The following GRM1 variants were observed in gnomAD, a reference collection of about 807,000 sequenced individuals.
GRM1 encodes metabotropic glutamate receptor 1.
GRM1 carries 33 observed loss-of-function variants against 90.9 expected under a neutral mutation model. The ratio of observed to expected loss-of-function variants is 0.36; its 90% CI spans 0.28 to 0.49. The LOEUF (loss-of-function observed/expected upper bound fraction) is 0.49. Among genes scored for constraint, GRM1 ranks in the 20% least tolerant of loss-of-function variants. The pLI, the probability that GRM1 is intolerant of heterozygous loss-of-function variation, is 0.99. For missense variants in GRM1, 1,190 were observed against 1,534.3 expected, an observed-to-expected ratio of 0.78 and a Z score of 3.75; for synonymous variants, 700 against 613.2, an observed-to-expected ratio of 1.14 and a Z score of -2.09.
At chr6:146,259,716 G>T (rs1451414184) in intron 2 of GRM1, among the ~76,000 whole-genome samples, 1 of 151,898 alleles carries the variant, frequency 6.6e-6, no homozygotes, top group South Asian at 2.1e-4. Context: ...TGAACATTTG[G>T]GTTGTTTCTA....
chr6:146,043,208 G>A (rs1286078236), intron 1 of GRM1, among the ~76,000 whole-genome samples: 1 of 151,908 alleles, frequency 6.6e-6, no homozygotes, highest in African/African-American at 2.4e-5. Context: ...AAGGAAAGAG[G>A]ATTACTTGAG....
At chr6:146,316,387 G>T (rs973003000) in intron 3 of GRM1, among the ~76,000 whole-genome samples, 27 of 152,140 alleles carry the variant, frequency 1.8e-4, no homozygotes, top group African/African-American at 6.5e-4. Context: ...AGTCACATTC[G>T]CAAAGTCTCT....
intron 1 of GRM1, among the ~76,000 whole-genome samples, chr6:146,151,743 C>G (rs1445687583): frequency 1.3e-5 from 2 of 152,122 alleles, no homozygotes; most frequent in African/African-American, 4.8e-5. Context: ...CCTGAGATCC[C>G]ATTTTACCCC....
At position 146,260,682 on chromosome 6, in the gene GRM1, G is replaced by A. The variant is rs368749915; in HGVS notation, c.951-43929G>A. Among the ~76,000 whole-genome samples the A allele has an allele frequency of 2.6e-5, 4 of 151,498 alleles. No individual in the cohort carries two copies. The South Asian group carries it at 6.2e-4, about 24-fold the overall frequency. On this transcript the variant is annotated intron_variant, in intron 2 of 7. Coordinates refer to ENST00000282753, the MANE Select transcript of GRM1 (RefSeq NM_001278064.2). ...ACGTGTGAAGTTGTATCTCATCTCC[G>A]TTTTGATTTGCATTTCCCTGATGAT...
intron 1 of GRM1, among the ~76,000 whole-genome samples, chr6:146,109,816 G>A (rs565009073): frequency 1.3e-5 from 2 of 152,344 alleles, no homozygotes; most frequent in South Asian, 2.1e-4. Flanking sequence ...TCATGCATCA[G>A]CGTGATCTGG....
chr6:146,075,022 T>A (rs907953350), intron 1 of GRM1, among the ~76,000 whole-genome samples: 1 of 152,204 alleles, frequency 6.6e-6, no homozygotes, highest in African/African-American at 2.4e-5. Flanking sequence ...TGAATGAGGA[T>A]CAATTTTCCA....
At chr6:146,131,691 G>A (rs1370479340) in intron 1 of GRM1, among the ~76,000 whole-genome samples, 2 of 152,072 alleles carry the variant, frequency 1.3e-5, no homozygotes, top group East Asian at 3.9e-4. Context: ...AGAAGTTATT[G>A]AATGGAAACT....
At chr6:146,380,969 T>A (rs1328236341) in intron 5 of GRM1, among the ~76,000 whole-genome samples, 1 of 152,170 alleles carries the variant, frequency 6.6e-6, no homozygotes, top group Non-Finnish European at 1.5e-5. Context: ...TGCCCTATCC[T>A]GCTGTGGCTT....
At position 146,304,591 on chromosome 6, in the gene GRM1, C is replaced by G; in HGVS notation, c.951-20C>G. On this transcript the variant is annotated intron_variant, in intron 2 of 7. Coordinates refer to ENST00000282753, the MANE Select transcript of GRM1 (RefSeq NM_001278064.2). ...ATGTTTGTCTTTCTCTCTCCCTACC[C>G]CAATCCCTGCATTTTTTAGTGATGG... 6.6e-7 allele frequency: 1 copy of G among 1,513,294 alleles called. No individual in the cohort carries two copies. Among genetic ancestry groups the G allele is most frequent in the Non-Finnish European group, 9.2e-7 (1 of 1,088,688 alleles). The allele number at this position is 1,513,294 out of a possible 1,614,324, so 93.7% of individuals were successfully genotyped here. A position where few individuals can be genotyped will look rare whatever the true frequency, so the allele number is the denominator to read the frequency against.
At chr6:146,172,210 A>G (rs984411396) in intron 2 of GRM1, among the ~76,000 whole-genome samples, 2 of 152,166 alleles carry the variant, frequency 1.3e-5, no homozygotes, top group Admixed American at 6.5e-5. Flanking sequence ...AACTCTGCCT[A>G]CATTCCTTGG....
intron 2 of GRM1, among the ~76,000 whole-genome samples, chr6:146,300,465 T>G (rs1176772659): frequency 2.0e-5 from 3 of 152,232 alleles, no homozygotes; most frequent in Admixed American, 1.3e-4. Flanking sequence ...TGTGAAATTT[T>G]ATAGGTTGAT....
intron 5 of GRM1, among the ~76,000 whole-genome samples, chr6:146,364,018 G>A (rs1194543100): frequency 6.6e-6 from 1 of 152,176 alleles, no homozygotes; most frequent in Non-Finnish European, 1.5e-5. Flanking sequence ...CGACGCATCC[G>A]CTTCTACCTT....
At chr6:146,307,936 G>C (rs1783637729) in intron 3 of GRM1, among the ~76,000 whole-genome samples, 1 of 152,156 alleles carries the variant, frequency 6.6e-6, no homozygotes, top group African/African-American at 2.4e-5. Flanking sequence ...ACACATCACT[G>C]CTTAATTAGT....
chr6:146,304,820 A>C lies in GRM1; in HGVS notation c.1160A>C (p.Asn387Thr). 2 of 1,613,124 alleles carry C rather than the reference A, an allele frequency of 1.2e-6. No individual in the cohort carries two copies. The highest frequency in any genetic ancestry group is 2.2e-5 in the South Asian group (2 of 91,058). The change falls in exon 3 of 8, where the codon AAT becomes ACT. Residue 387 changes from asparagine (N) to threonine (T), a missense_variant. This residue lies in a region of GRM1 where 414 missense variants were observed against 598.4 expected (regional missense o/e 0.69). Transcript: ENST00000282753. Reference sequence around the variant, plus strand: ...CGCCTTCCAGGACACCTTCTGGAAAATCCCAACTTTAAACGAATCTGCACA... The same window carrying C: ...CGCCTTCCAGGACACCTTCTGGAAACTCCCAACTTTAAACGAATCTGCACA... ...QCRLPGHLLE[N>T]PNFKRICTGN...
intron 2 of GRM1, among the ~76,000 whole-genome samples, chr6:146,302,314 G>A (rs866784184): frequency 6.7e-6 from 1 of 148,604 alleles, no homozygotes; most frequent in Non-Finnish European, 1.5e-5. Context: ...GCAGGCACAC[G>A]TGTCATATCT....
In GRM1 at chr6:146,295,676, C is replaced by G. The variant is rs567351603; in HGVS notation, c.951-8935C>G. Among the ~76,000 whole-genome samples the G allele has an allele frequency of 6.6e-5, 10 of 152,150 alleles. No individual in the cohort carries two copies. The East Asian group carries it at 1.5e-3, about 23-fold the overall frequency. The stretch of plus-strand genomic sequence containing the variant: ...GTGAATCTGATGTCAGTTTAGTGCT[C>G]TAGTCTGTGTATGTATATGTATATT... On this transcript the variant is annotated intron_variant, in intron 2 of 7. Coordinates refer to ENST00000282753, the MANE Select transcript of GRM1 (RefSeq NM_001278064.2).
intron 3 of GRM1, among the ~76,000 whole-genome samples, chr6:146,348,789 A>G (rs1785271521): frequency 2.6e-5 from 4 of 152,164 alleles, no homozygotes; most frequent in Admixed American, 2.0e-4. Flanking sequence ...AGGCTTGACA[A>G]TGGTGCCAGG....
chr6:146,161,746 G>A (rs78907667), intron 2 of GRM1, among the ~76,000 whole-genome samples: 1,870 of 152,286 alleles, frequency 0.012, 78 homozygotes, highest in East Asian at 0.092. Flanking sequence ...TACTTTCCAC[G>A]AGTGTCTATC....
intron 5 of GRM1, among the ~76,000 whole-genome samples, chr6:146,371,653 A>G (rs993234691): frequency 6.6e-6 from 1 of 151,980 alleles, no homozygotes; most frequent in Non-Finnish European, 1.5e-5. Context: ...CCATTCTTCT[A>G]CTATGTCCGT....
Sources: allele counts gnomAD v4.1 joint callset (sites outside exome capture counted in the v4.1 genomes callset), GRCh38; gene constraint gnomAD v4.1.1; regional missense constraint gnomAD v4.1.1; transcripts MANE v1.5; gene names NCBI Gene and HGNC (gene_info 2026-07-23, HGNC 2026-07-21).